The following ATP12A variants were observed in gnomAD, a reference collection of about 807,000 sequenced individuals.
The protein encoded by ATP12A is ATPase H+/K+ transporting non-gastric alpha2 subunit.
A neutral mutation model predicts 111.2 loss-of-function variants in ATP12A; 81 were observed. The observed-to-expected ratio is 0.73, with a 90% CI of 0.61 to 0.88. ATP12A has a LOEUF of 0.88. ATP12A is among the 40% of genes least tolerant of loss of function. The pLI, the probability that ATP12A is intolerant of heterozygous loss-of-function variation, is 0.00. For synonymous variants in ATP12A, 498 were observed against 499.8 expected (o/e 1.00, Z 0.05); for missense variants, 1,196 against 1,313.1 (o/e 0.91, Z 1.38).
Position 24,701,962 on chromosome 13 carries a change from A to G in ATP12A, c.1909A>G (p.Ile637Val), listed in dbSNP as rs1345368778. 1 of 1,614,238 alleles carries G rather than the reference A, an allele frequency of 6.2e-7. No individual in the cohort carries two copies. The highest frequency in any genetic ancestry group is 1.3e-5 in the African/African-American group (1 of 75,066). ...KVIMVTGDHP[I>V]TAKAIAKSVG... The stretch of plus-strand genomic sequence containing the variant: ...TATTATGGTTACTGGTGATCATCCC[A>G]TCACAGCCAAAGCTATTGCCAAGAG... Residue 637 changes from isoleucine (I) to valine (V), a missense_variant, in exon 14 of 23, where the codon ATC becomes GTC. Ile to Val is a conservative substitution (Grantham distance 29, BLOSUM62 3). Coordinates refer to ENST00000381946, the MANE Select transcript of ATP12A (RefSeq NM_001676.7).
intron 14 of ATP12A, among the ~76,000 whole-genome samples, chr13:24,703,328 C>T (rs1050617998): frequency 1.6e-4 from 24 of 152,148 alleles, no homozygotes; most frequent in African/African-American, 5.6e-4. Flanking sequence ...CTGCAATCTC[C>T]ACCTCCTGGG....
In ATP12A at chr13:24,690,704, C is replaced by A; in HGVS notation, c.782C>A (p.Ser261Tyr). The A allele has an allele frequency of 6.2e-7, 1 of 1,613,624 alleles. No homozygotes were observed. Among genetic ancestry groups the A allele is most frequent in the Non-Finnish European group, 8.5e-7 (1 of 1,179,770 alleles). Residue 261 changes from serine to tyrosine, a missense_variant, in exon 7 of 23, where the codon TCC (serine) becomes TAC (tyrosine). Physicochemically the swap from Ser to Tyr is moderately radical, Grantham distance 144. This residue lies in a region of ATP12A where 1,126 missense variants were observed against 1,228.5 expected (regional missense o/e 0.92). Transcript: ENST00000381946. ...GAAACAAAGAACATCTGCTTCTATT[C>A]CACAACGTGTCTGGAAGGTAAAAGG... ...PLETKNICFY[S>Y]TTCLEGTVTG...
chr13:24,684,016 A>AGTCCAGTG (rs1874577439), intron 2 of ATP12A, among the ~76,000 whole-genome samples: 1 of 152,106 alleles, frequency 6.6e-6, no homozygotes, highest in African/African-American at 2.4e-5. Context: ...GCCCTGTGCT[A>AGTCCAGTG]GTCCAGTGCT....
chr13:24,694,378 C>T, intron 10 of ATP12A, 66 bp from the exon 11 acceptor site: 3 of 1,592,848 alleles, frequency 1.9e-6, no homozygotes, highest in Non-Finnish European at 2.6e-6. Context: ...TGTTTTGGGT[C>T]CTATGCTGAG....
chr13:24,699,253 G>A (rs1404343100), intron 12 of ATP12A, among the ~76,000 whole-genome samples: 1 of 152,192 alleles, frequency 6.6e-6, no homozygotes, highest in Non-Finnish European at 1.5e-5. Flanking sequence ...TGGACTGGAG[G>A]TCATGAGATG....
chr13:24,681,723 C>A lies in ATP12A; in HGVS notation c.168+3C>A. The A allele has an allele frequency of 6.2e-7, 1 of 1,614,100 alleles. No individual in the cohort carries two copies. Among genetic ancestry groups the A allele is most frequent in the South Asian group, 1.1e-5 (1 of 91,026 alleles). On this transcript the variant is annotated splice_donor_region_variant and intron_variant, in intron 2 of 22. Transcript: ENST00000381946. ...AGTTTCAGAAAGAACTCCATCTGGT[C>A]AGTAGCCTTAAGCCACGGGGTCCTG...
chr13:24,700,982 A>C, intron 13 of ATP12A, 60 bp downstream of exon 13: 1 of 1,562,542 alleles, frequency 6.4e-7, no homozygotes, highest in Admixed American at 1.8e-5. Flanking sequence ...CTTTCTAATA[A>C]TGGTTTTCAT....
chr13:24,693,960 T>G (rs578199117), intron 10 of ATP12A, among the ~76,000 whole-genome samples: 1 of 152,328 alleles, frequency 6.6e-6, no homozygotes, highest in African/African-American at 2.4e-5. Flanking sequence ...ATGGTGCTTT[T>G]ATAGTCACTT....
intron 2 of ATP12A, among the ~76,000 whole-genome samples, chr13:24,682,959 C>CTTTTTTTTTTTTTTTTT (rs34361489): frequency 1.4e-5 from 2 of 139,040 alleles, no homozygotes; most frequent in East Asian, 2.1e-4. Flanking sequence ...TAAAACTAGC[C>CTTTTTTTTTTTTTTTTT]TTTTTTTTTT....
intron 12 of ATP12A, among the ~76,000 whole-genome samples, chr13:24,699,536 G>A (rs535974663): frequency 6.6e-6 from 1 of 152,352 alleles, no homozygotes; most frequent in East Asian, 1.9e-4. Context: ...CAGGGCAAGA[G>A]ACTTCATAGA....
chr13:24,706,497 G>T, intron 15 of ATP12A, 34 bp downstream of exon 15: 1 of 1,605,902 alleles, frequency 6.2e-7, no homozygotes, highest in Non-Finnish European at 8.5e-7. Context: ...GGACTGACAG[G>T]CCCATCACTG....
At chr13:24,688,588 C>T in intron 4 of ATP12A, 66 bp downstream of exon 4, 1 of 1,411,898 alleles carries the variant, frequency 7.1e-7, no homozygotes. Context: ...CTTGGGGGCA[C>T]AGCTGGGGGC....
intron 12 of ATP12A, among the ~76,000 whole-genome samples, chr13:24,699,539 T>A (rs1190574050): frequency 6.6e-6 from 1 of 152,180 alleles, no homozygotes; most frequent in African/African-American, 2.4e-5. Context: ...GGCAAGAGAC[T>A]TCATAGAGGT....
intron 14 of ATP12A, among the ~76,000 whole-genome samples, chr13:24,706,062 G>A (rs1221214425): frequency 1.3e-5 from 2 of 152,178 alleles, no homozygotes; most frequent in East Asian, 1.9e-4. Context: ...GTAGGGATAA[G>A]GCTACCTGGT....
At chr13:24,684,395 GA>G (rs1376005092) in intron 2 of ATP12A, among the ~76,000 whole-genome samples, 1 of 152,196 alleles carries the variant, frequency 6.6e-6, no homozygotes, top group Admixed American at 6.5e-5. Context: ...CTTAAGAAAA[GA>G]GATGATGTGA....
At chr13:24,708,952 A>AGAAT (rs1566078356) in intron 17 of ATP12A, among the ~76,000 whole-genome samples, 3 of 140,492 alleles carry the variant, frequency 2.1e-5, no homozygotes, top group Non-Finnish European at 4.8e-5. Context: ...AAAGAAAGAA[A>AGAAT]GAAAGAAAGA....
intron 21 of ATP12A, 60 bp from the exon 22 acceptor site, chr13:24,711,258 G>A: frequency 6.9e-7 from 1 of 1,452,084 alleles, no homozygotes. Context: ...TTCCCATTGG[G>A]CAGGGTTGGG....
At chr13:24,701,015 GTC>G (rs1179391350) in intron 13 of ATP12A, 93 bp downstream of exon 13, 1 of 1,357,000 alleles carries the variant, frequency 7.4e-7, no homozygotes, top group East Asian at 2.3e-5. Context: ...GTATTTAGGT[GTC>G]TTCAAGTAAA....
At chr13:24,690,268 C>A (rs766114701) in intron 5 of ATP12A, 70 bp from the exon 6 acceptor site, 14 of 1,583,206 alleles carry the variant, frequency 8.8e-6, no homozygotes, top group Non-Finnish European at 8.6e-7. Context: ...GGGTTCGGTG[C>A]GGCACAGACT....
Sources: gnomAD v4.1 joint callset for allele counts (sites outside exome capture counted in the v4.1 genomes callset) on GRCh38, gnomAD v4.1.1 for gene constraint, gnomAD v4.1.1 regional missense constraint, MANE v1.5 for transcripts, NCBI Gene and HGNC (gene_info 2026-07-23, HGNC 2026-07-21) for gene names.